The following HHEX variants were observed in gnomAD, a reference collection of about 807,000 sequenced individuals.
HHEX encodes hematopoietically expressed homeobox, also known as hematopoietically-expressed homeobox protein HHEX.
HHEX carries 8 observed loss-of-function variants against 27.0 expected under a neutral mutation model. The ratio of observed to expected loss-of-function variants is 0.30; its 90% CI spans 0.17 to 0.54. HHEX has a LOEUF of 0.54. HHEX is among the 20% of genes least tolerant of loss of function. The pLI is 0.95. For synonymous variants in HHEX, 164 were observed against 161.5 expected (o/e 1.02, Z -0.12); for missense variants, 326 against 357.2 (o/e 0.91, Z 0.70).
chr10:92,694,873 A>C lies in HHEX; in HGVS notation c.*105A>C. ...GAAGGCTATATAAGAAAGGGAATCA[A>C]TTCTCTGGTATTCTGGAAACCTAAA... On this transcript the variant is annotated 3_prime_UTR_variant, in exon 4 of 4. Coordinates refer to ENST00000282728, the MANE Select transcript of HHEX (RefSeq NM_002729.5). The C allele has an allele frequency of 1.3e-6, 1 of 797,166 alleles. No individual in the cohort carries two copies. Among genetic ancestry groups the C allele is most frequent in the Middle Eastern group, 2.5e-4 (1 of 3,936 alleles). 49.4% of individuals were successfully genotyped at this position (797,166 alleles called of 1,614,324 possible).
At chr10:92,693,383 T>C (rs1394269130) in intron 3 of HHEX, among the ~76,000 whole-genome samples, 1 of 152,216 alleles carries the variant, frequency 6.6e-6, no homozygotes, top group Non-Finnish European at 1.5e-5. Context: ...CTAATTTAGT[T>C]TTTAAAAGAA....
chr10:92,692,117 T>C (rs1249065692), intron 1 of HHEX: 2 of 400,716 alleles, frequency 5.0e-6, no homozygotes, highest in Non-Finnish European at 9.1e-6. Context: ...TGGATTTAGT[T>C]CTAGGTGTGA....
At position 92,694,801 on chromosome 10, in the gene HHEX, G is replaced by A; in HGVS notation, c.*33G>A. The A allele has an allele frequency of 6.8e-7, 1 of 1,460,816 alleles. No homozygotes were observed. Among genetic ancestry groups the A allele is most frequent in the Non-Finnish European group, 9.6e-7 (1 of 1,044,828 alleles). The allele number at this position is 1,460,816 out of a possible 1,614,324, so 90.5% of individuals were successfully genotyped here. A position where few individuals can be genotyped will look rare whatever the true frequency, so the allele number is the denominator to read the frequency against. On this transcript the variant is annotated 3_prime_UTR_variant, in exon 4 of 4. Transcript: ENST00000282728. ...TGGCATTGGCATGTTCAGAAAACTG[G>A]ATTTAGGAATAATGTTTTGCTACAG...
chr10:92,692,027 G>T (rs912472501), intron 1 of HHEX: 1 of 192,676 alleles, frequency 5.2e-6, no homozygotes, highest in South Asian at 1.0e-4. Context: ...GTATAAATCC[G>T]AGAGCCACTG....
rs2135940230 is a variant in HHEX at position 92,690,051 on chromosome 10, C to T, written c.65C>T (p.Pro22Leu). The change falls in exon 1 of 4, where the codon CCG becomes CTG. Residue 22 changes from proline to leucine, a missense_variant. By Grantham distance (98) the Pro-to-Leu change is moderately conservative. Coordinates refer to ENST00000282728, the MANE Select transcript of HHEX (RefSeq NM_002729.5). ...AVGVPLYAPT[P>L]LLQPAHPTPF... ...GGGGTGCCGCTGTACGCGCCCACGCCGCTGCTGCAACCCGCACACCCGACG... is the reference window on the plus strand; with the variant it reads ...GGGGTGCCGCTGTACGCGCCCACGCTGCTGCTGCAACCCGCACACCCGACG... 4 of 1,536,876 alleles carry T rather than the reference C, an allele frequency of 2.6e-6. No individual in the cohort carries two copies. Among genetic ancestry groups the T allele is most frequent in the East Asian group, 2.5e-5 (1 of 39,366 alleles).
chr10:92,690,051 C>A lies in HHEX; in HGVS notation c.65C>A (p.Pro22Gln). The A allele has an allele frequency of 6.5e-7, 1 of 1,536,876 alleles. No homozygotes were observed. The highest frequency in any genetic ancestry group is 2.0e-4 in the Middle Eastern group (1 of 5,076). ...GGGGTGCCGCTGTACGCGCCCACGC[C>A]GCTGCTGCAACCCGCACACCCGACG... ...AVGVPLYAPT[P>Q]LLQPAHPTPF... Residue 22 changes from proline to glutamine, a missense_variant, in exon 1 of 4, where the codon CCG becomes CAG. This residue lies in a region of HHEX where 215 missense variants were observed against 196.4 expected (regional missense o/e 1.09). Coordinates refer to ENST00000282728, the MANE Select transcript of HHEX (RefSeq NM_002729.5).
chr10:92,692,231 G>A (rs1241380122), intron 1 of HHEX, 137 bp from the exon 2 acceptor site: 2 of 788,204 alleles, frequency 2.5e-6, no homozygotes, highest in African/African-American at 1.7e-5. Context: ...TTAGGTCCAC[G>A]TGCCGGTGGG....
chr10:92,690,480 A>G (rs894330876), intron 1 of HHEX, 133 bp downstream of exon 1: 11 of 1,111,604 alleles, frequency 9.9e-6, no homozygotes, highest in Non-Finnish European at 1.3e-5. Context: ...GCTGTCGGGC[A>G]CGCGCGGGGA....
intron 3 of HHEX, 93 bp from the exon 4 acceptor site, chr10:92,694,454 A>G: frequency 1.1e-6 from 1 of 899,584 alleles, no homozygotes; most frequent in South Asian, 1.7e-5. Flanking sequence ...AAATTAAAAG[A>G]TGGAATAGGA....
In HHEX at chr10:92,690,094, C is replaced by T. The variant is rs978185713; in HGVS notation, c.108C>T (p.Asp36=). ...ACCCGACGCCCTTTTACATCGAGGA[C>T]ATCCTGGGCCGCGGGCCCGCCGCGC... ...PAHPTPFYIE[D]ILGRGPAAPT... Residue 36 remains aspartate, a synonymous_variant, in exon 1 of 4, where the codon GAC becomes GAT. Coordinates refer to ENST00000282728, the MANE Select transcript of HHEX (RefSeq NM_002729.5). The T allele has an allele frequency of 1.9e-6, 3 of 1,547,676 alleles. No individual in the cohort carries two copies. In the African/African-American group the frequency reaches 4.1e-5, roughly 21 times the overall value.
chr10:92,690,817 G>A (rs1845347969), intron 1 of HHEX, among the ~76,000 whole-genome samples: 1 of 152,210 alleles, frequency 6.6e-6, no homozygotes, highest in African/African-American at 2.4e-5. Flanking sequence ...AGTAAATCTG[G>A]TTTCAGAAGC....
chr10:92,690,211 C>A lies in HHEX; in HGVS notation c.225C>A (p.Ile75=), dbSNP rs1268126520. 7.6e-6 allele frequency: 12 copies of A among 1,574,810 alleles called. No homozygotes were observed. The highest frequency in any genetic ancestry group is 7.8e-6 in the Non-Finnish European group (9 of 1,161,200). ...CCCCGGTGTACGAGCCCACGCCGAT[C>A]CATCCAGCCTTCTCGCACCACTCCG... The part of the protein sequence containing the change: ...YRTPVYEPTP[I]HPAFSHHSAA... The change falls in exon 1 of 4, where the codon ATC becomes ATA. Residue 75 remains isoleucine, a synonymous_variant. Transcript: ENST00000282728.
Position 92,692,441 on chromosome 10 carries a change from C to T in HHEX, c.435C>T (p.Ser145=). ...GGAAAGGCGGCCAGGTGAGATTCTC[C>T]AACGACCAGACCATCGAGCTGGAGA... ...HKRKGGQVRF[S]NDQTIELEKK... The change falls in exon 2 of 4, where the codon TCC becomes TCT. Residue 145 remains serine (S), a synonymous_variant. Coordinates refer to ENST00000282728, the MANE Select transcript of HHEX (RefSeq NM_002729.5). The T allele has an allele frequency of 6.2e-7, 1 of 1,614,136 alleles. No homozygotes were observed. Among genetic ancestry groups the T allele is most frequent in the Non-Finnish European group, 8.5e-7 (1 of 1,180,018 alleles).
rs771425069 is a variant in HHEX, at chr10:92,692,409, CAT to C, written c.405_406del (p.His135GlnfsTer56). 1 of 1,614,064 alleles carries C rather than the reference CAT, an allele frequency of 6.2e-7. No homozygotes were observed. Among genetic ancestry groups the C allele is most frequent in the African/African-American group, 1.3e-5 (1 of 75,044 alleles). On this transcript the variant is annotated frameshift_variant, in exon 2 of 4. Transcript: ENST00000282728. LOFTEE classifies it high-confidence loss of function. ...GAGCCCCTTCTTGCAGAGGCCTCTG[CAT>C]AAAAGGAAAGGCGGCCAGGTGAGAT... ...LWSPFLQRPL[H>X]KRKGGQVRFS...
In HHEX at chr10:92,690,856, C is replaced by G. The variant is rs1845348320; in HGVS notation, c.361+509C>G. Reference sequence around the variant, plus strand: ...TAAGTGTTTTCCTGGCTGCATGAAGCAGACCCTTCCCCCGGAGTAGTGCAC... The same window carrying G: ...TAAGTGTTTTCCTGGCTGCATGAAGGAGACCCTTCCCCCGGAGTAGTGCAC... On this transcript the variant is annotated intron_variant, in intron 1 of 3. Transcript: ENST00000282728. Among the ~76,000 whole-genome samples, 4 of 152,324 alleles carry G rather than the reference C, an allele frequency of 2.6e-5. No individual in the cohort carries two copies. The South Asian group carries it at 8.3e-4, about 32-fold the overall frequency.
Position 92,692,804 on chromosome 10 carries a change from T to G in HHEX, c.591+52T>G, listed in dbSNP as rs186807208. On this transcript the variant is annotated intron_variant, in intron 3 of 3. Transcript: ENST00000282728. ...AAATAAATATTTTTATCACGTTATC[T>G]CAGTGCAAGGCTGTTATGGGTTGTA... is the stretch of plus-strand genomic sequence containing the variant. 2.3e-3 allele frequency: 3,290 copies of G among 1,451,536 alleles called. 31 individuals carry two copies. Among genetic ancestry groups the G allele is most frequent in the Non-Finnish European group, 1.5e-3 (1,569 of 1,033,528 alleles). The allele number at this position is 1,451,536 out of a possible 1,614,324, so 89.9% of individuals were successfully genotyped here.
chr10:92,692,130 G>C (rs1231636354), intron 1 of HHEX: 8 of 436,042 alleles, frequency 1.8e-5, no homozygotes, highest in Non-Finnish European at 2.9e-5. Flanking sequence ...AGGTGTGACG[G>C]CTGTGTGTCT....
In HHEX at chr10:92,694,816, T is replaced by C; in HGVS notation, c.*48T>C. The C allele has an allele frequency of 7.4e-7, 1 of 1,356,840 alleles. No homozygotes were observed. Among genetic ancestry groups the C allele is most frequent in the South Asian group, 1.2e-5 (1 of 84,516 alleles). 84.1% of individuals were successfully genotyped at this position (1,356,840 alleles called of 1,614,324 possible). A position where few individuals can be genotyped will look rare whatever the true frequency, so the allele number is the denominator to read the frequency against. On this transcript the variant is annotated 3_prime_UTR_variant, in exon 4 of 4. Coordinates refer to ENST00000282728, the MANE Select transcript of HHEX (RefSeq NM_002729.5). ...CAGAAAACTGGATTTAGGAATAATG[T>C]TTTGCTACAGAAAATCTTCATAGAA... is the stretch of plus-strand genomic sequence containing the variant.
intron 3 of HHEX, among the ~76,000 whole-genome samples, chr10:92,693,850 T>G (rs1324212460): frequency 2.0e-5 from 3 of 152,234 alleles, no homozygotes; most frequent in Admixed American, 2.0e-4. Flanking sequence ...GGCTTGACTC[T>G]AGTTTACCAG....
Sources: gnomAD v4.1 joint callset for allele counts (sites outside exome capture counted in the v4.1 genomes callset) on GRCh38, gnomAD v4.1.1 for gene constraint, gnomAD v4.1.1 regional missense constraint, MANE v1.5 for transcripts, NCBI Gene and HGNC (gene_info 2026-07-23, HGNC 2026-07-21) for gene names.